Variants in ZNF518B observed in about 807,000 individuals in gnomAD.
The protein encoded by ZNF518B is zinc finger protein 518B.
ZNF518B carries 23 observed loss-of-function variants against 56.3 expected under a neutral mutation model. The ratio of observed to expected loss-of-function variants is 0.41; its 90% CI spans 0.29 to 0.58. The LOEUF (loss-of-function observed/expected upper bound fraction) is 0.58, where lower values mean the gene tolerates loss of function less well. Among genes scored for constraint, ZNF518B ranks in the 20% least tolerant of loss-of-function variants. The probability of loss-of-function intolerance (pLI) is 0.32; values close to 1 mark genes in which losing one functional copy is unlikely to be tolerated. For missense variants in ZNF518B, 1,460 were observed against 1,272.1 expected, an observed-to-expected ratio of 1.15 and a Z score of -2.25; for synonymous variants, 529 against 465.9, an observed-to-expected ratio of 1.14 and a Z score of -1.74.
At position 10,444,232 on chromosome 4, in the gene ZNF518B, A is replaced by G. The variant is rs1464940171; in HGVS notation, c.2097T>C (p.Thr699=). ...RRSVGQASKG[T]SKATSEGIQE... is the part of the protein sequence containing the mutation. ...GAATACCTTCAGAGGTAGCTTTTGA[A>G]GTTCCCTTTGATGCCTGCCCTACAG... Residue 699 remains threonine (T), a synonymous_variant, in exon 3 of 3, where the codon ACT becomes ACC. Coordinates refer to ENST00000326756, the MANE Select transcript of ZNF518B (RefSeq NM_053042.3). The G allele has an allele frequency of 1.2e-6, 2 of 1,614,078 alleles. No homozygotes were observed. Among genetic ancestry groups the G allele is most frequent in the Non-Finnish European group, 1.7e-6 (2 of 1,180,040 alleles).
chr4:10,442,889 C>T lies in ZNF518B; in HGVS notation c.*215G>A. The T allele has an allele frequency of 2.0e-6, 1 of 511,292 alleles. No individual in the cohort carries two copies. The highest frequency in any genetic ancestry group is 3.4e-6 in the Non-Finnish European group (1 of 291,472). The allele number at this position is 511,292 out of a possible 1,614,324, so 31.7% of individuals were successfully genotyped here. A position where few individuals can be genotyped will look rare whatever the true frequency, so the allele number is the denominator to read the frequency against. ...TCTCTCCAGAAAAATGCATATGTAC[C>T]AATTTGCATGTACAATTTCAGAGCC... On this transcript the variant is annotated 3_prime_UTR_variant, in exon 3 of 3. Coordinates refer to ENST00000326756, the MANE Select transcript of ZNF518B (RefSeq NM_053042.3).
In ZNF518B at chr4:10,446,001, C is replaced by T; in HGVS notation, c.328G>A (p.Val110Ile). The stretch of plus-strand genomic sequence containing the variant: ...GAGAAGTTTTCAGTTTTATTTCCAA[C>T]ATGAGTCGCACTGGAATTATTGCTC... ...FVSNNSSATH[V>I]GNKTENFSSS... The change falls in exon 3 of 3, where the codon GTT becomes ATT. Residue 110 changes from valine (V) to isoleucine (I), a missense_variant. By Grantham distance (29) the Val-to-Ile change is conservative. Transcript: ENST00000326756. The T allele has an allele frequency of 6.2e-7, 1 of 1,614,146 alleles. No homozygotes were observed. The highest frequency in any genetic ancestry group is 8.5e-7 in the Non-Finnish European group (1 of 1,180,040).
chr4:10,460,699 G>T (rs71617509), upstream of ZNF518B, among the ~76,000 whole-genome samples: 1 of 152,288 alleles, frequency 6.6e-6, no homozygotes, highest in East Asian at 1.9e-4. Flanking sequence ...AGGCCTCCAC[G>T]AGCTTTCCAT....
At chr4:10,449,773 C>T (rs141984886) in intron 2 of ZNF518B, among the ~76,000 whole-genome samples, 1 of 152,330 alleles carries the variant, frequency 6.6e-6, no homozygotes, top group East Asian at 1.9e-4. Flanking sequence ...ACATAACACC[C>T]TCTATATTAG....
chr4:10,459,537 C>T (rs548260195), upstream of ZNF518B, among the ~76,000 whole-genome samples: 13 of 152,226 alleles, frequency 8.5e-5, no homozygotes, highest in South Asian at 2.1e-4. Context: ...TGGATATGAC[C>T]TTATTTGGAA....
In ZNF518B at chr4:10,444,391, G is replaced by A. The variant is rs1002440629; in HGVS notation, c.1938C>T (p.Val646=). The change falls in exon 3 of 3, where the codon GTC becomes GTT. Residue 646 remains valine, a synonymous_variant. Coordinates refer to ENST00000326756, the MANE Select transcript of ZNF518B (RefSeq NM_053042.3). ...VFSLSSGSEN[V]PEGIKWNSST... ...AGCTATTCCACTTAATGCCCTCGGG[G>A]ACATTTTCAGATCCAGAGCTCAGAG... 8 of 1,614,142 alleles carry A rather than the reference G, an allele frequency of 5.0e-6. 1 individual carries two copies. The Admixed American group carries it at 6.7e-5, about 13-fold the overall frequency.
rs545827786 is a variant in ZNF518B, at chr4:10,441,479, CAATA to C, written c.*1621_*1624del. 4.6e-5 allele frequency: 7 copies of C among 152,276 alleles called. No homozygotes were observed. In the South Asian group the frequency reaches 1.0e-3, roughly 23 times the overall value. 9.4% of individuals were successfully genotyped at this position (152,276 alleles called of 1,614,324 possible). ...AAATCAAAGTCTCCAATCGACTACC[CAATA>C]AACAATCACTGGTGTCTTTTTCAGG... is the stretch of plus-strand genomic sequence containing the variant. On this transcript the variant is annotated 3_prime_UTR_variant, in exon 3 of 3. Coordinates refer to ENST00000326756, the MANE Select transcript of ZNF518B (RefSeq NM_053042.3).
At chr4:10,460,906 A>G (rs1351814574), upstream of ZNF518B, among the ~76,000 whole-genome samples, 1 of 152,240 alleles carries the variant, frequency 6.6e-6, no homozygotes, top group East Asian at 1.9e-4. Context: ...TTATGCATGG[A>G]CAGGAGATCC....
chr4:10,447,231 C>T (rs1414426247), intron 2 of ZNF518B, among the ~76,000 whole-genome samples: 2 of 152,128 alleles, frequency 1.3e-5, no homozygotes, highest in Non-Finnish European at 2.9e-5. Context: ...TACATATTTG[C>T]CAATGGTGGT....
At chr4:10,446,694 G>A (rs1715073536) in intron 2 of ZNF518B, among the ~76,000 whole-genome samples, 155 bp from the exon 3 acceptor site, 1 of 152,154 alleles carries the variant, frequency 6.6e-6, no homozygotes, top group African/African-American at 2.4e-5. Flanking sequence ...AACAGAGTTG[G>A]CAAGTAAGCC....
rs769958120 is a variant in ZNF518B at position 10,443,594 on chromosome 4, T to C, written c.2735A>G (p.Lys912Arg). Residue 912 changes from lysine (K) to arginine (R), a missense_variant, in exon 3 of 3, where the codon AAG becomes AGG. Lys to Arg is a conservative substitution (Grantham distance 26). Coordinates refer to ENST00000326756, the MANE Select transcript of ZNF518B (RefSeq NM_053042.3). ...TGCAACCTGAAAAATTGAAGGATCC[T>C]TGAGACAGCGGCTAGGTTCAGCTTG... ...KIQAEPSRCL[K>R]DPSIFQVARQ... 1.1e-5 allele frequency: 17 copies of C among 1,614,228 alleles called. No homozygotes were observed. The highest frequency in any genetic ancestry group is 1.4e-5 in the Non-Finnish European group (17 of 1,180,036).
At chr4:10,450,784 T>A (rs1451139786) in intron 2 of ZNF518B, 2 of 152,224 alleles carry the variant, frequency 1.3e-5, no homozygotes, top group East Asian at 3.8e-4. Flanking sequence ...TTGCCTACCG[T>A]GCAAACTCTC....
chr4:10,444,231 A>C lies in ZNF518B; in HGVS notation c.2098T>G (p.Ser700Ala), dbSNP rs1318020293. 1 of 1,614,190 alleles carries C rather than the reference A, an allele frequency of 6.2e-7. No homozygotes were observed. Among genetic ancestry groups the C allele is most frequent in the Non-Finnish European group, 8.5e-7 (1 of 1,180,024 alleles). The change falls in exon 3 of 3, where the codon TCA (serine) becomes GCA (alanine). Residue 700 changes from serine (S) to alanine (A), a missense_variant. By Grantham distance (99) the Ser-to-Ala change is moderately conservative. Transcript: ENST00000326756. ...TGAATACCTTCAGAGGTAGCTTTTGAAGTTCCCTTTGATGCCTGCCCTACA... is the reference window on the plus strand; with the variant it reads ...TGAATACCTTCAGAGGTAGCTTTTGCAGTTCCCTTTGATGCCTGCCCTACA... ...RSVGQASKGT[S>A]KATSEGIQEI...
Position 10,443,272 on chromosome 4 carries a change from GT to G in ZNF518B, c.3056del (p.Asn1019ThrfsTer5). 5 of 1,614,146 alleles carry G rather than the reference GT, an allele frequency of 3.1e-6. No homozygotes were observed. Among genetic ancestry groups the G allele is most frequent in the South Asian group, 1.1e-5 (1 of 91,078 alleles). On this transcript the variant is annotated frameshift_variant, in exon 3 of 3. Coordinates refer to ENST00000326756, the MANE Select transcript of ZNF518B (RefSeq NM_053042.3). LOFTEE classifies it high-confidence loss of function. Reference protein sequence around the residue: ...LKMKLKKVHKNNYQVVDSLPD... With the variant: ...LKMKLKKVHKXNYQVVDSLPD... ...GCAAGGAATCCACTACCTGGTAGTT[GT>G]TTTTATGAACTTTTTTGAGTTTCAT...
Position 10,443,619 on chromosome 4 carries a change from G to T in ZNF518B, c.2710C>A (p.Gln904Lys). 1 of 1,614,126 alleles carries T rather than the reference G, an allele frequency of 6.2e-7. No individual in the cohort carries two copies. The highest frequency in any genetic ancestry group is 1.3e-5 in the African/African-American group (1 of 75,052). ...VHLSRKKNKIQAEPSRCLKDP... is the reference protein window; with the variant it reads ...VHLSRKKNKIKAEPSRCLKDP... The stretch of plus-strand genomic sequence containing the variant: ...TTGAGACAGCGGCTAGGTTCAGCTT[G>T]AATTTTGTTTTTCTTCCTGGATAAG... Residue 904 changes from glutamine to lysine, a missense_variant, in exon 3 of 3, where the codon CAA (glutamine) becomes AAA (lysine). Gln to Lys is a moderately conservative substitution (Grantham distance 53, BLOSUM62 1). Transcript: ENST00000326756.
At chr4:10,456,552 CT>C (rs1216837448) in intron 1 of ZNF518B, among the ~76,000 whole-genome samples, 1 of 152,170 alleles carries the variant, frequency 6.6e-6, no homozygotes, top group Non-Finnish European at 1.5e-5. Flanking sequence ...GAGCCCACCC[CT>C]GACCCTCTCA....
chr4:10,442,257 AGCCTGTT>A lies in ZNF518B; in HGVS notation c.*840_*846del, dbSNP rs1489635943. The A allele has an allele frequency of 6.6e-6, 1 of 152,248 alleles. No homozygotes were observed. The highest frequency in any genetic ancestry group is 1.5e-5 in the Non-Finnish European group (1 of 68,036). The allele number at this position is 152,248 out of a possible 1,614,324, so 9.4% of individuals were successfully genotyped here. A position where few individuals can be genotyped will look rare whatever the true frequency, so the allele number is the denominator to read the frequency against. On this transcript the variant is annotated 3_prime_UTR_variant, in exon 3 of 3. Transcript: ENST00000326756. ...GTTTGCGAGTTTTACCTATGTTGTA[AGCCTGTT>A]CCCTAGCATTTTAAATTGGTCACTT...
intron 1 of ZNF518B, among the ~76,000 whole-genome samples, chr4:10,456,948 C>T (rs1413329081): frequency 1.3e-5 from 2 of 150,998 alleles, no homozygotes; most frequent in Non-Finnish European, 1.5e-5. Flanking sequence ...ACCCCCGCCT[C>T]GGTCGCCCCG....
intron 1 of ZNF518B, 22 bp downstream of exon 1, chr4:10,457,295 G>C (rs557975886): frequency 6.6e-6 from 1 of 151,830 alleles, no homozygotes; most frequent in African/African-American, 2.4e-5. Context: ...GGGGGCCCTC[G>C]CCCTCCCGCT....
Sources: allele counts gnomAD v4.1 joint callset (sites outside exome capture counted in the v4.1 genomes callset), GRCh38; gene constraint gnomAD v4.1.1; transcripts MANE v1.5; gene names NCBI Gene and HGNC (gene_info 2026-07-23, HGNC 2026-07-21).